MAEA: variants seen among roughly 807,000 people sequenced by gnomAD.
MAEA encodes macrophage erythroblast attacher, E3 ubiquitin ligase, also known as E3 ubiquitin-protein transferase MAEA.
MAEA carries 22 observed loss-of-function variants against 46.2 expected under a neutral mutation model. The ratio of observed to expected loss-of-function variants is 0.48; its 90% CI spans 0.34 to 0.68. The LOEUF is 0.68. MAEA is among the 30% of genes least tolerant of loss of function. The probability of loss-of-function intolerance (pLI) is 0.01; values close to 1 mark genes in which losing one functional copy is unlikely to be tolerated. For missense variants in MAEA, 393 were observed against 558.1 expected, an observed-to-expected ratio of 0.70 and a Z score of 2.98; for synonymous variants, 246 against 222.6, an observed-to-expected ratio of 1.11 and a Z score of -0.94.
intron 1 of MAEA, among the ~76,000 whole-genome samples, chr4:1,307,752 G>A (rs1045924798): frequency 6.6e-6 from 1 of 152,184 alleles, no homozygotes; most frequent in Non-Finnish European, 1.5e-5. Flanking sequence ...AGAGACCCTG[G>A]AGTTCTGATG....
chr4:1,312,546 CAG>C (rs1292478094), intron 2 of MAEA: 1 of 192,792 alleles, frequency 5.2e-6, no homozygotes, highest in Admixed American at 5.6e-5. Context: ...TCTCCTGCCT[CAG>C]CCTCACGAGT....
chr4:1,320,973 G>T (rs557281587), intron 3 of MAEA, among the ~76,000 whole-genome samples: 1 of 152,188 alleles, frequency 6.6e-6, no homozygotes, highest in Admixed American at 6.5e-5. Context: ...GGTGGCAGGC[G>T]CCTGTAGTCC....
chr4:1,309,711 C>G, intron 1 of MAEA: 1 of 1,525,486 alleles, frequency 6.6e-7, no homozygotes. Flanking sequence ...ACCGTGGCCC[C>G]GGTGAGCCCC....
intron 1 of MAEA, chr4:1,300,015 G>A (rs1264977638): frequency 6.6e-6 from 1 of 152,186 alleles, no homozygotes; most frequent in Non-Finnish European, 1.5e-5. Flanking sequence ...GTCTAAAGCA[G>A]TAAGAATTGA....
rs1016089841 is a variant in MAEA, at chr4:1,339,823, C to G, written c.*654C>G. 1 of 152,840 alleles carries G rather than the reference C, an allele frequency of 6.5e-6. No homozygotes were observed. Among genetic ancestry groups the G allele is most frequent in the Non-Finnish European group, 1.5e-5 (1 of 68,180 alleles). 9.5% of individuals were successfully genotyped at this position (152,840 alleles called of 1,614,324 possible). On this transcript the variant is annotated 3_prime_UTR_variant, in exon 9 of 9. Transcript: ENST00000303400. ...GGCTGTGTTCGTAGCTGCGTCGTTT[C>G]GATATCACACCCTCTGTGTGCCGCC... is the stretch of plus-strand genomic sequence containing the variant.
intron 1 of MAEA, among the ~76,000 whole-genome samples, chr4:1,291,669 A>G (rs922515203): frequency 6.6e-6 from 1 of 152,214 alleles, no homozygotes; most frequent in Admixed American, 6.5e-5. Flanking sequence ...GAATGTGGGA[A>G]ACACTAGATA....
Position 1,318,730 on chromosome 4 carries a change from C to T in MAEA, c.456+3130C>T, listed in dbSNP as rs553835596. Among the ~76,000 whole-genome samples the T allele has an allele frequency of 1.1e-3, 168 of 152,270 alleles. 1 individual carries two copies. The highest frequency in any genetic ancestry group is 1.7e-3 in the Non-Finnish European group (116 of 68,018). Reference sequence around the variant, plus strand: ...GTTGTGGAAATGTAAACCCCGGCTGCGCTGGTCAGACCTGGACTTCCTGTA... The same window carrying T: ...GTTGTGGAAATGTAAACCCCGGCTGTGCTGGTCAGACCTGGACTTCCTGTA... On this transcript the variant is annotated intron_variant, in intron 3 of 8. Transcript: ENST00000303400.
At chr4:1,321,287 T>C (rs1738056548) in intron 3 of MAEA, among the ~76,000 whole-genome samples, 1 of 151,768 alleles carries the variant, frequency 6.6e-6, no homozygotes, top group African/African-American at 2.4e-5. Context: ...GAAAACGCTA[T>C]GAAGGGGCTT....
intron 1 of MAEA, among the ~76,000 whole-genome samples, chr4:1,307,196 A>G (rs1229750648): frequency 6.6e-6 from 1 of 152,226 alleles, no homozygotes; most frequent in Non-Finnish European, 1.5e-5. Flanking sequence ...TACAGCAACC[A>G]CTTTATCCAT....
intron 4 of MAEA, 61 bp from the exon 5 acceptor site, chr4:1,327,566 C>A: frequency 8.0e-7 from 1 of 1,242,928 alleles, no homozygotes. Context: ...GGGTGCGGCA[C>A]CCGGGCACCT....
chr4:1,331,005 G>A (rs5019560), intron 5 of MAEA: 45,570 of 151,786 alleles, frequency 0.3, 9,484 homozygotes, highest in African/African-American at 0.57. Context: ...TGTCAACCAC[G>A]GAGATTAAAT....
At chr4:1,326,815 G>A (rs928329706) in intron 4 of MAEA, among the ~76,000 whole-genome samples, 6 of 152,208 alleles carry the variant, frequency 3.9e-5, no homozygotes, top group South Asian at 2.1e-4. Flanking sequence ...CCTCGGCACC[G>A]GCCCCGGCTT....
At chr4:1,334,813 G>A in intron 6 of MAEA, 1 of 943,234 alleles carries the variant, frequency 1.1e-6, no homozygotes, top group South Asian at 4.9e-5. Context: ...CAGTCCTGGG[G>A]AGTGAGGATG....
chr4:1,327,553 T>C, intron 4 of MAEA, 74 bp from the exon 5 acceptor site: 1 of 984,558 alleles, frequency 1.0e-6, no homozygotes, highest in African/African-American at 1.6e-5. Context: ...CTGGTGGACA[T>C]GCGGGTGCGG....
chr4:1,303,647 C>G (rs933794532), intron 1 of MAEA, among the ~76,000 whole-genome samples: 1 of 151,998 alleles, frequency 6.6e-6, no homozygotes, highest in East Asian at 1.9e-4. Context: ...TTGCCTGGGT[C>G]TGAGGGGACT....
intron 2 of MAEA, 98 bp downstream of exon 2, chr4:1,312,259 C>T (rs189277101): frequency 3.4e-5 from 49 of 1,459,242 alleles, no homozygotes; most frequent in Admixed American, 1.6e-4. Flanking sequence ...ATGATGGGAA[C>T]GCGGGAGGTG....
At chr4:1,308,208 T>C (rs1736018062) in intron 1 of MAEA, among the ~76,000 whole-genome samples, 1 of 151,854 alleles carries the variant, frequency 6.6e-6, no homozygotes, top group African/African-American at 2.4e-5. Context: ...TGTTCCACGG[T>C]GGTGTTTTGC....
chr4:1,325,571 C>G (rs550619618), intron 4 of MAEA, among the ~76,000 whole-genome samples: 1 of 152,192 alleles, frequency 6.6e-6, no homozygotes, highest in South Asian at 2.1e-4. Context: ...GAGTCCTGCT[C>G]TTCTAGAGCA....
chr4:1,319,554 G>C (rs938216882), intron 3 of MAEA, among the ~76,000 whole-genome samples: 1 of 152,012 alleles, frequency 6.6e-6, no homozygotes, highest in Non-Finnish European at 1.5e-5. Flanking sequence ...AGGCTGTGTT[G>C]ACGGGACATG....
Sources: allele counts gnomAD v4.1 joint callset (sites outside exome capture counted in the v4.1 genomes callset), GRCh38; gene constraint gnomAD v4.1.1; transcripts MANE v1.5; gene names NCBI Gene and HGNC (gene_info 2026-07-23, HGNC 2026-07-21).